HDAC8: variants seen among roughly 807,000 people sequenced by gnomAD.
The protein encoded by HDAC8 is histone deacetylase 8, also known as histone deacetylase-like 1.
A neutral mutation model predicts 32.2 loss-of-function variants in HDAC8; 1 was observed. That is an observed-to-expected ratio of 0.03 (90% CI 0.01 to 0.15). HDAC8 has a LOEUF of 0.15. Among genes scored for constraint, HDAC8 ranks in the 10% least tolerant of loss-of-function variants. The probability of loss-of-function intolerance (pLI) is 1.00; values close to 1 mark genes in which losing one functional copy is unlikely to be tolerated. For missense variants in HDAC8, 117 were observed against 300.0 expected (o/e 0.39, Z 4.51); for synonymous variants, 108 against 113.9 (o/e 0.95, Z 0.33).
intron 9 of HDAC8, among the ~76,000 whole-genome samples, chrX:72,396,477 T>C (rs1380823985): frequency 2.0e-4 from 23 of 112,264 alleles, no homozygotes; most frequent in African/African-American, 7.4e-4. Flanking sequence ...ATTTTTTTCT[T>C]TCAAAAAAAG....
At chrX:72,376,712 C>T (rs1162208958) in intron 9 of HDAC8, among the ~76,000 whole-genome samples, 2 of 111,606 alleles carry the variant, frequency 1.8e-5, no homozygotes, top group Admixed American at 9.5e-5. Flanking sequence ...AGCCACCATG[C>T]CCCACCTAAT....
At chrX:72,551,079 G>GCACACACACACA (rs56118046) in intron 4 of HDAC8, among the ~76,000 whole-genome samples, 3 of 96,412 alleles carry the variant, frequency 3.1e-5, no homozygotes, top group African/African-American at 1.1e-4. Context: ...TGAAGTCAGC[G>GCACACACACACA]CACACACACA....
At chrX:72,331,943 C>G (rs1474238336) in intron 10 of HDAC8, among the ~76,000 whole-genome samples, 1 of 112,530 alleles carries the variant, frequency 8.9e-6, no homozygotes, top group African/African-American at 3.2e-5. Flanking sequence ...TCCTCCTTCA[C>G]CATCCCTAAG....
intron 9 of HDAC8, among the ~76,000 whole-genome samples, chrX:72,443,449 G>A (rs868953918): frequency 1.8e-4 from 20 of 111,010 alleles, no homozygotes; most frequent in African/African-American, 6.2e-4. Context: ...GGTACATAAC[G>A]AAATGAAGGC....
intron 4 of HDAC8, among the ~76,000 whole-genome samples, chrX:72,557,382 T>G (rs960981661): frequency 9.0e-6 from 1 of 111,603 alleles, no homozygotes; most frequent in Non-Finnish European, 1.9e-5. Context: ...CTCTCTCAGA[T>G]CACAGTGGAA....
chrX:72,393,577 G>A (rs1300353269), intron 9 of HDAC8, among the ~76,000 whole-genome samples: 1 of 111,652 alleles, frequency 9.0e-6, no homozygotes, highest in Non-Finnish European at 1.9e-5. Context: ...GAGCTGCCTT[G>A]TTCTGTCTCC....
At chrX:72,338,509 G>C (rs1356447298) in intron 10 of HDAC8, among the ~76,000 whole-genome samples, 2 of 108,547 alleles carry the variant, frequency 1.8e-5, no homozygotes, top group Non-Finnish European at 3.8e-5. Flanking sequence ...CTTGGAGGTT[G>C]GGTGGCACCA....
chrX:72,564,762 A>C (rs1237980466), intron 4 of HDAC8, among the ~76,000 whole-genome samples: 1 of 111,044 alleles, frequency 9.0e-6, no homozygotes, highest in African/African-American at 3.3e-5. Flanking sequence ...GTGTACTATA[A>C]CCTATCTGTC....
At chrX:72,511,144 A>C (rs2147330707) in intron 4 of HDAC8, among the ~76,000 whole-genome samples, 1 of 111,987 alleles carries the variant, frequency 8.9e-6, no homozygotes, top group Admixed American at 9.5e-5. Flanking sequence ...GTATACGTAC[A>C]TTTTAAAAAG....
At chrX:72,463,861 A>G (rs2047935136) in intron 8 of HDAC8, among the ~76,000 whole-genome samples, 1 of 111,992 alleles carries the variant, frequency 8.9e-6, no homozygotes, top group Non-Finnish European at 1.9e-5. Context: ...CAATCTATTC[A>G]TCCAATGAAA....
At chrX:72,423,257 A>G (rs186546699) in intron 9 of HDAC8, among the ~76,000 whole-genome samples, 1 of 111,590 alleles carries the variant, frequency 9.0e-6, no homozygotes, top group East Asian at 2.8e-4. Context: ...GTTTAATAAC[A>G]TGCACATAGT....
intron 9 of HDAC8, among the ~76,000 whole-genome samples, chrX:72,461,256 A>G (rs960872026): frequency 1.8e-5 from 2 of 111,603 alleles, no homozygotes; most frequent in African/African-American, 6.5e-5. Flanking sequence ...TTGATCTATA[A>G]CATGGTTCCT....
chrX:72,502,013 G>GA (rs1322403823), intron 4 of HDAC8, among the ~76,000 whole-genome samples: 1 of 111,477 alleles, frequency 9.0e-6, no homozygotes, highest in Non-Finnish European at 1.9e-5. Flanking sequence ...ACAAGCATAG[G>GA]AAAAAAAGCT....
intron 9 of HDAC8, among the ~76,000 whole-genome samples, chrX:72,459,593 A>G (rs1043046819): frequency 4.5e-4 from 50 of 110,812 alleles, no homozygotes; most frequent in African/African-American, 1.6e-3. Context: ...ACTCCTTTGT[A>G]TCCCCTTTAT....
intron 9 of HDAC8, among the ~76,000 whole-genome samples, chrX:72,387,369 T>C (rs1477525286): frequency 1.8e-5 from 2 of 112,316 alleles, no homozygotes; most frequent in African/African-American, 6.5e-5. Flanking sequence ...AAGGGAAAGA[T>C]GGAGGCCAGC....
intron 9 of HDAC8, among the ~76,000 whole-genome samples, chrX:72,419,622 C>T (rs1280776846): frequency 9.0e-6 from 1 of 111,594 alleles, no homozygotes; most frequent in Non-Finnish European, 1.9e-5. Flanking sequence ...TGTCTAGTTG[C>T]TCTGGATAGA....
chrX:72,568,074 A>C, intron 3 of HDAC8, 44 bp from the exon 4 acceptor site: 2 of 1,146,957 alleles, frequency 1.7e-6, no homozygotes, highest in Admixed American at 4.4e-5. Flanking sequence ...GTGAACTGGA[A>C]AAAGAGGAGG....
At chrX:72,419,067 C>T (rs2046419337) in intron 9 of HDAC8, among the ~76,000 whole-genome samples, 1 of 111,573 alleles carries the variant, frequency 9.0e-6, no homozygotes, top group Non-Finnish European at 1.9e-5. Context: ...ATTGGATCTC[C>T]TAACTTTTGT....
chrX:72,470,609 C>T (rs2148061224), intron 7 of HDAC8, among the ~76,000 whole-genome samples: 1 of 111,445 alleles, frequency 9.0e-6, no homozygotes, highest in Admixed American at 9.5e-5. Flanking sequence ...TCCAACTTAT[C>T]CACATACTGG....
Sources: gnomAD v4.1 joint callset for allele counts (sites outside exome capture counted in the v4.1 genomes callset) on GRCh38, gnomAD v4.1.1 for gene constraint, MANE v1.5 for transcripts, NCBI Gene and HGNC (gene_info 2026-07-23, HGNC 2026-07-21) for gene names.